Variants in TNNI3K observed in about 807,000 individuals in gnomAD.
TNNI3K encodes serine/threonine-protein kinase TNNI3K.
In TNNI3K, 140 loss-of-function variants were observed where a neutral mutation model predicts 114.5. That is an observed-to-expected ratio of 1.22 (90% CI 1.07 to 1.41). The LOEUF (loss-of-function observed/expected upper bound fraction) is 1.41, where lower values mean the gene tolerates loss of function less well. Among genes scored for constraint, TNNI3K ranks in the 40% most tolerant of loss-of-function variants. The probability of loss-of-function intolerance (pLI) is 0.00; values close to 1 mark genes in which losing one functional copy is unlikely to be tolerated. For missense variants in TNNI3K, 1,125 were observed against 1,007.6 expected (o/e 1.12, Z -1.58); for synonymous variants, 347 against 347.5 (o/e 1.00, Z 0.02).
intron 5 of TNNI3K, among the ~76,000 whole-genome samples, chr1:74,327,952 T>C (rs1659999693): frequency 6.6e-6 from 1 of 151,662 alleles, no homozygotes; most frequent in African/African-American, 2.4e-5. Context: ...ACAGAATATA[T>C]ACCATGCAAA....
intron 24 of TNNI3K, among the ~76,000 whole-genome samples, chr1:74,542,803 T>C (rs941490094): frequency 2.6e-5 from 4 of 152,186 alleles, no homozygotes; most frequent in Non-Finnish European, 5.9e-5. Context: ...AATGGCTTTC[T>C]TGCTTCAGAG....
At chr1:74,269,301 T>C (rs1247669343) in intron 4 of TNNI3K, among the ~76,000 whole-genome samples, 1 of 151,914 alleles carries the variant, frequency 6.6e-6, no homozygotes, top group Non-Finnish European at 1.5e-5. Flanking sequence ...AAATATAAGC[T>C]CTGTGAGAGC....
chr1:74,365,025 A>G (rs1662190757), intron 11 of TNNI3K, among the ~76,000 whole-genome samples: 1 of 152,126 alleles, frequency 6.6e-6, no homozygotes, highest in African/African-American at 2.4e-5. Context: ...GGTATTTAGA[A>G]GATTCGTCTG....
chr1:74,387,751 AT>A (rs2100561485), intron 17 of TNNI3K, among the ~76,000 whole-genome samples: 1 of 152,342 alleles, frequency 6.6e-6, no homozygotes. Flanking sequence ...AAACACTGCA[AT>A]GATTAACAAG....
chr1:74,387,287 A>C (rs17095246), intron 17 of TNNI3K, among the ~76,000 whole-genome samples: 13,653 of 152,250 alleles, frequency 0.09, 874 homozygotes, highest in African/African-American at 0.18. Context: ...CTCTGGGTCA[A>C]AGAAACCAAA....
chr1:74,327,657 G>C (rs982365919), intron 5 of TNNI3K, among the ~76,000 whole-genome samples: 1 of 81,422 alleles, frequency 1.2e-5, no homozygotes, highest in African/African-American at 2.8e-5. Context: ...TTATATATCA[G>C]TACTATTATT....
At chr1:74,464,790 T>G (rs1249326939) in intron 21 of TNNI3K, 1 of 1,527,278 alleles carries the variant, frequency 6.5e-7, no homozygotes, top group African/African-American at 1.4e-5. Flanking sequence ...TTTATTTGTT[T>G]AGAATCTTCC....
At chr1:74,421,213 T>C (rs1665378534) in intron 17 of TNNI3K, among the ~76,000 whole-genome samples, 1 of 152,174 alleles carries the variant, frequency 6.6e-6, no homozygotes, top group Non-Finnish European at 1.5e-5. Context: ...TAACGTTTAC[T>C]GAATGTCCAG....
intron 21 of TNNI3K, chr1:74,468,529 G>A (rs1050908499): frequency 2.0e-5 from 3 of 152,054 alleles, no homozygotes; most frequent in South Asian, 2.1e-4. Flanking sequence ...GAATATTGGC[G>A]AGAAAAGATG....
chr1:74,296,043 A>G (rs898682306), intron 5 of TNNI3K, among the ~76,000 whole-genome samples: 8 of 152,148 alleles, frequency 5.3e-5, no homozygotes, highest in Admixed American at 2.0e-4. Flanking sequence ...TGGGAGTCCA[A>G]GGCGGGCGGA....
At chr1:74,285,707 C>G (rs1454442929) in intron 5 of TNNI3K, among the ~76,000 whole-genome samples, 2 of 152,062 alleles carry the variant, frequency 1.3e-5, no homozygotes, top group Non-Finnish European at 2.9e-5. Flanking sequence ...AAGTTTCTGT[C>G]AAATGACTAA....
At chr1:74,393,463 G>A (rs1412903161) in intron 17 of TNNI3K, among the ~76,000 whole-genome samples, 1 of 152,136 alleles carries the variant, frequency 6.6e-6, no homozygotes, top group Non-Finnish European at 1.5e-5. Context: ...TTGTGTTCAA[G>A]CACCTGAAAT....
chr1:74,394,737 C>G (rs1484561033), intron 17 of TNNI3K, among the ~76,000 whole-genome samples: 2 of 152,204 alleles, frequency 1.3e-5, no homozygotes, highest in African/African-American at 4.8e-5. Flanking sequence ...CAAAATGCAG[C>G]AGGACAACCC....
intron 5 of TNNI3K, among the ~76,000 whole-genome samples, chr1:74,295,285 T>C (rs1177468166): frequency 6.6e-6 from 1 of 152,200 alleles, no homozygotes; most frequent in Non-Finnish European, 1.5e-5. Context: ...ACCAAGCATA[T>C]GGTGGATTTT....
intron 17 of TNNI3K, among the ~76,000 whole-genome samples, chr1:74,430,217 G>T (rs17095295): frequency 6.6e-6 from 1 of 151,994 alleles, no homozygotes; most frequent in South Asian, 2.1e-4. Flanking sequence ...GTGACAATTA[G>T]TATTGGACTA....
intron 2 of TNNI3K, chr1:74,239,929 C>T: frequency 2.1e-6 from 1 of 469,736 alleles, no homozygotes; most frequent in South Asian, 1.6e-5. Flanking sequence ...AAGTTGCATT[C>T]ACTCATAACT....
chr1:74,322,982 T>C (rs1659704056), intron 5 of TNNI3K, among the ~76,000 whole-genome samples: 1 of 152,218 alleles, frequency 6.6e-6, no homozygotes, highest in African/African-American at 2.4e-5. Flanking sequence ...TTTTACTCTT[T>C]CTTAAAGTCT....
chr1:74,371,802 A>G (rs1456608009), intron 17 of TNNI3K: 4 of 151,736 alleles, frequency 2.6e-5, no homozygotes, highest in Non-Finnish European at 4.4e-5. Context: ...GAAAATCACA[A>G]ATTTGGAGCT....
At chr1:74,284,546 A>G (rs773367924) in intron 5 of TNNI3K, among the ~76,000 whole-genome samples, 6 of 152,248 alleles carry the variant, frequency 3.9e-5, no homozygotes, top group Non-Finnish European at 7.3e-5. Flanking sequence ...ACTTTTGCAC[A>G]AACCTAATAG....
Sources: allele counts gnomAD v4.1 joint callset (sites outside exome capture counted in the v4.1 genomes callset), GRCh38; gene constraint gnomAD v4.1.1; transcripts MANE v1.5; gene names NCBI Gene and HGNC (gene_info 2026-07-23, HGNC 2026-07-21).